The following LTBP2 variants were observed in gnomAD, a reference collection of about 807,000 sequenced individuals.
The protein encoded by LTBP2 is latent-transforming growth factor beta-binding protein 2.
LTBP2 carries 103 observed loss-of-function variants against 210.6 expected under a neutral mutation model. The observed-to-expected ratio is 0.49, with a 90% CI of 0.42 to 0.58. LTBP2 has a LOEUF of 0.58. Among genes scored for constraint, LTBP2 ranks in the 20% least tolerant of loss-of-function variants. The pLI, the probability that LTBP2 is intolerant of heterozygous loss-of-function variation, is 0.00. For synonymous variants in LTBP2, 1,007 were observed against 1,015.0 expected, an observed-to-expected ratio of 0.99 and a Z score of 0.15; for missense variants, 2,313 against 2,494.5, an observed-to-expected ratio of 0.93 and a Z score of 1.55.
At chr14:74,562,849 A>G (rs2087812657) in intron 3 of LTBP2, among the ~76,000 whole-genome samples, 1 of 152,166 alleles carries the variant, frequency 6.6e-6, no homozygotes, top group African/African-American at 2.4e-5. Context: ...CTGGAAAGCA[A>G]TTTGGCAACG....
Position 74,541,842 on chromosome 14 carries a change from T to C in LTBP2, c.1790-5842A>G, listed in dbSNP as rs143594340. 9.7e-4 allele frequency among the ~76,000 whole-genome samples: 147 copies of C among 152,072 alleles called. 2 individuals carry two copies. Among genetic ancestry groups the C allele is most frequent in the African/African-American group, 3.4e-3 (141 of 41,466 alleles). ...CCTGGTAAGTGCTCCACGATGTGCATAACCAAAGTGCCGGGCAGAACTGAC... is the reference window on the plus strand; with the variant it reads ...CCTGGTAAGTGCTCCACGATGTGCACAACCAAAGTGCCGGGCAGAACTGAC... On this transcript the variant is annotated intron_variant, in intron 8 of 35. Coordinates refer to ENST00000261978, the MANE Select transcript of LTBP2 (RefSeq NM_000428.3).
Position 74,500,495 on chromosome 14 carries a change from A to G in LTBP2, c.*389T>C, listed in dbSNP as rs756741674. 3.3e-5 allele frequency: 14 copies of G among 427,080 alleles called. No individual in the cohort carries two copies. The highest frequency in any genetic ancestry group is 4.9e-5 in the Non-Finnish European group (11 of 226,744). 26.5% of individuals were successfully genotyped at this position (427,080 alleles called of 1,614,324 possible). A position where few individuals can be genotyped will look rare whatever the true frequency, so the allele number is the denominator to read the frequency against. On this transcript the variant is annotated 3_prime_UTR_variant, in exon 36 of 36. Coordinates refer to ENST00000261978, the MANE Select transcript of LTBP2 (RefSeq NM_000428.3). ...ATGTAGCCTCTGTCCCAGTTGTGGG[A>G]TCGTCAGGATGATGGTGGATTGTGG... is the stretch of plus-strand genomic sequence containing the variant.
rs781592995 is a variant in LTBP2 at position 74,500,188 on chromosome 14, A to G, written c.*696T>C. 1.3e-5 allele frequency: 3 copies of G among 234,480 alleles called. No homozygotes were observed. Among genetic ancestry groups the G allele is most frequent in the East Asian group, 6.0e-5 (1 of 16,536 alleles). The allele number at this position is 234,480 out of a possible 1,614,324, so 14.5% of individuals were successfully genotyped here. On this transcript the variant is annotated 3_prime_UTR_variant, in exon 36 of 36. Coordinates refer to ENST00000261978, the MANE Select transcript of LTBP2 (RefSeq NM_000428.3). ...TTCTCATCAACTCCACGTATTTTTC[A>G]TCATGTCCTCTTGCTGCTTTCTCAG...
chr14:74,521,825 G>T, intron 17 of LTBP2, 86 bp downstream of exon 17: 1 of 1,557,360 alleles, frequency 6.4e-7, no homozygotes, highest in South Asian at 1.1e-5. Flanking sequence ...CTGCGGCACG[G>T]TGTTTGGGGG....
chr14:74,500,666 A>G lies in LTBP2; in HGVS notation c.*218T>C. The stretch of plus-strand genomic sequence containing the variant: ...CAGGGCCTCATGCGGTGGCTGAAGC[A>G]TTAAAGCGATTGGTGGTGCTTGAGC... On this transcript the variant is annotated 3_prime_UTR_variant, in exon 36 of 36. Coordinates refer to ENST00000261978, the MANE Select transcript of LTBP2 (RefSeq NM_000428.3). The G allele has an allele frequency of 1.6e-6, 1 of 632,914 alleles. No individual in the cohort carries two copies. The highest frequency in any genetic ancestry group is 2.8e-6 in the Non-Finnish European group (1 of 354,036). The allele number at this position is 632,914 out of a possible 1,614,324, so 39.2% of individuals were successfully genotyped here.
intron 18 of LTBP2, among the ~76,000 whole-genome samples, chr14:74,512,081 A>G (rs1263637670): frequency 1.3e-5 from 2 of 152,208 alleles, no homozygotes; most frequent in Non-Finnish European, 2.9e-5. Flanking sequence ...TGGCAACAGG[A>G]AGAGGAGGGA....
At position 74,552,530 on chromosome 14, in the gene LTBP2, T is replaced by C. The variant is rs540537275; in HGVS notation, c.1193-137A>G. 4.3e-4 allele frequency: 341 copies of C among 791,014 alleles called. 2 individuals are homozygous for C. In the East Asian group the frequency reaches 8.9e-3, roughly 21 times the overall value. The allele number at this position is 791,014 out of a possible 1,614,324, so 49.0% of individuals were successfully genotyped here. A position where few individuals can be genotyped will look rare whatever the true frequency, so the allele number is the denominator to read the frequency against. ...CTGTAGCCCGGAGCCCCCTGAAATG[T>C]AGGGACTTTCCACTTCATTCATGTA... On this transcript the variant is annotated intron_variant, in intron 5 of 35. Coordinates refer to ENST00000261978, the MANE Select transcript of LTBP2 (RefSeq NM_000428.3).
chr14:74,524,636 G>A (rs1460018277), intron 15 of LTBP2, among the ~76,000 whole-genome samples: 1 of 152,114 alleles, frequency 6.6e-6, no homozygotes, highest in Non-Finnish European at 1.5e-5. Context: ...CACTGTAGCT[G>A]ACCAGAGGGA....
intron 9 of LTBP2, among the ~76,000 whole-genome samples, chr14:74,532,831 G>A (rs1019283045): frequency 2.6e-5 from 4 of 152,100 alleles, no homozygotes; most frequent in Non-Finnish European, 4.4e-5. Context: ...AAGAGCTAAT[G>A]TTTATTTATT....
At chr14:74,603,592 C>A (rs374846651) in intron 2 of LTBP2, 43 bp downstream of exon 2, 3 of 1,604,036 alleles carry the variant, frequency 1.9e-6, no homozygotes, top group Non-Finnish European at 2.6e-6. Flanking sequence ...TGGCACTTCA[C>A]GTTTGATAGA....
intron 13 of LTBP2, among the ~76,000 whole-genome samples, chr14:74,526,938 C>T (rs2087280756): frequency 1.3e-5 from 2 of 152,118 alleles, no homozygotes; most frequent in East Asian, 3.9e-4. Context: ...TACACCACTC[C>T]CAGAGGGACC....
rs1051835415 is a variant in LTBP2 at position 74,585,960 on chromosome 14, G to A, written c.724C>T (p.Arg242Cys). ...CTGCTCCTGCGCAGGTTGGGTGAACGCTCGGCCCAGCGTCGAGGTGCCAGC... is the reference window on the plus strand; with the variant it reads ...CTGCTCCTGCGCAGGTTGGGTGAACACTCGGCCCAGCGTCGAGGTGCCAGC... ...SRLAPRRWAERSPNLRRSSAA... is the reference protein window; with the variant it reads ...SRLAPRRWAECSPNLRRSSAA... The change falls in exon 3 of 36, where the codon CGT becomes TGT. Residue 242 changes from arginine (R) to cysteine (C), a missense_variant. Around this residue, in one of 3 missense-constraint regions of LTBP2, gnomAD observed 1,867 missense variants for 1,976.9 expected, o/e 0.94. Coordinates refer to ENST00000261978, the MANE Select transcript of LTBP2 (RefSeq NM_000428.3). 6.2e-6 allele frequency: 10 copies of A among 1,613,448 alleles called. No individual in the cohort carries two copies. Among genetic ancestry groups the A allele is most frequent in the East Asian group, 2.2e-5 (1 of 44,882 alleles).
intron 5 of LTBP2, 73 bp from the exon 6 acceptor site, chr14:74,552,466 C>T: frequency 2.8e-6 from 4 of 1,411,284 alleles, no homozygotes; most frequent in Non-Finnish European, 3.9e-6. Flanking sequence ...GTGACCACCA[C>T]AGAGAAACAG....
At chr14:74,602,541 G>A (rs913448593) in intron 2 of LTBP2, among the ~76,000 whole-genome samples, 1 of 152,200 alleles carries the variant, frequency 6.6e-6, no homozygotes, top group Admixed American at 6.5e-5. Flanking sequence ...TCCTAGCTCT[G>A]CACTTCCTGA....
intron 1 of LTBP2, among the ~76,000 whole-genome samples, chr14:74,611,064 G>C (rs897676069): frequency 6.6e-6 from 1 of 152,200 alleles, no homozygotes; most frequent in Non-Finnish European, 1.5e-5. Flanking sequence ...TCCCCTGGGC[G>C]TCAAGAGCCT....
intron 15 of LTBP2, among the ~76,000 whole-genome samples, chr14:74,523,129 G>A (rs1487207210): frequency 6.6e-6 from 1 of 152,084 alleles, no homozygotes; most frequent in African/African-American, 2.4e-5. Context: ...CCAGGATGGA[G>A]GTCATAGTAG....
At chr14:74,511,416 G>A (rs554994394) in intron 18 of LTBP2, 52 bp from the exon 19 acceptor site, 2 of 1,611,612 alleles carry the variant, frequency 1.2e-6, no homozygotes, top group South Asian at 1.1e-5. Context: ...TAGCAAATGG[G>A]TAGGTCTGTG....
intron 2 of LTBP2, among the ~76,000 whole-genome samples, chr14:74,591,092 C>T (rs2088278019): frequency 6.6e-6 from 1 of 152,244 alleles, no homozygotes; most frequent in Admixed American, 6.5e-5. Context: ...ACTCACTTAG[C>T]TCTGGTTCTG....
intron 30 of LTBP2, 90 bp downstream of exon 30, chr14:74,504,688 G>C: frequency 7.8e-7 from 1 of 1,276,634 alleles, no homozygotes; most frequent in Non-Finnish European, 1.1e-6. Flanking sequence ...GGCCAGGGCT[G>C]GATGCAGAAC....
Sources: gnomAD v4.1 joint callset for allele counts (sites outside exome capture counted in the v4.1 genomes callset) on GRCh38, gnomAD v4.1.1 for gene constraint, gnomAD v4.1.1 regional missense constraint, MANE v1.5 for transcripts, NCBI Gene and HGNC (gene_info 2026-07-23, HGNC 2026-07-21) for gene names.